Variants in DLGAP1 observed in about 807,000 individuals in gnomAD.
DLGAP1 encodes disks large-associated protein 1.
Under a neutral mutation model 90.8 loss-of-function variants are expected in DLGAP1, and 11 were observed. That is an observed-to-expected ratio of 0.12 (90% CI 0.08 to 0.20). The LOEUF is 0.20. DLGAP1 is among the 10% of genes least tolerant of loss of function. The pLI is 1.00. For missense variants in DLGAP1, 1,050 were observed against 1,333.8 expected (o/e 0.79, Z 3.31); for synonymous variants, 558 against 540.7 (o/e 1.03, Z -0.44).
At chr18:4,380,743 C>A (rs188818049) in intron 1 of DLGAP1, among the ~76,000 whole-genome samples, 3 of 152,290 alleles carry the variant, frequency 2.0e-5, no homozygotes, top group African/African-American at 4.8e-5. Flanking sequence ...GGCTTGTATA[C>A]TAATTAACGA....
At chr18:4,302,013 G>C (rs779583152) in intron 1 of DLGAP1, among the ~76,000 whole-genome samples, 1 of 151,990 alleles carries the variant, frequency 6.6e-6, no homozygotes, top group African/African-American at 2.4e-5. Flanking sequence ...TGAATTGTTT[G>C]AGTTTCTTAT....
At chr18:3,704,980 A>C (rs2061389309) in intron 7 of DLGAP1, among the ~76,000 whole-genome samples, 1 of 152,262 alleles carries the variant, frequency 6.6e-6, no homozygotes, top group Admixed American at 6.5e-5. Flanking sequence ...AAAAGTCAGC[A>C]TTTATAACAC....
intron 4 of DLGAP1, among the ~76,000 whole-genome samples, chr18:3,846,783 C>T (rs573248862): frequency 3.8e-4 from 58 of 151,992 alleles, no homozygotes; most frequent in Non-Finnish European, 7.2e-4. Context: ...TAGTGGTTGC[C>T]CTGGACCTGG....
intron 7 of DLGAP1, chr18:3,596,831 T>C (rs537243357): frequency 4.8e-5 from 25 of 519,842 alleles, no homozygotes; most frequent in Non-Finnish European, 8.9e-5. Flanking sequence ...GATCTCTGAT[T>C]GTGCAGTGTC....
intron 6 of DLGAP1, among the ~76,000 whole-genome samples, chr18:3,736,393 G>C (rs1459041122): frequency 1.3e-5 from 2 of 151,936 alleles, no homozygotes; most frequent in African/African-American, 4.8e-5. Flanking sequence ...TCTGTTTTTA[G>C]GGCTCTTTTA....
intron 7 of DLGAP1, among the ~76,000 whole-genome samples, chr18:3,705,470 A>G (rs957319758): frequency 2.6e-5 from 4 of 151,894 alleles, no homozygotes; most frequent in Non-Finnish European, 5.9e-5. Flanking sequence ...GGAGCTAAAC[A>G]TATCATACTG....
chr18:4,422,269 A>C (rs754748987), intron 1 of DLGAP1, among the ~76,000 whole-genome samples: 60 of 152,034 alleles, frequency 3.9e-4, no homozygotes, highest in Non-Finnish European at 7.7e-4. Context: ...GTAGCCATTA[A>C]ATTTGGTAAT....
At chr18:4,116,500 G>A (rs1371681166) in intron 2 of DLGAP1, among the ~76,000 whole-genome samples, 1 of 151,722 alleles carries the variant, frequency 6.6e-6, no homozygotes, top group Admixed American at 6.6e-5. Flanking sequence ...TACACTGAAT[G>A]GTGTTCCACT....
chr18:4,171,771 A>C (rs1214947861), intron 1 of DLGAP1, among the ~76,000 whole-genome samples: 1 of 152,160 alleles, frequency 6.6e-6, no homozygotes, highest in African/African-American at 2.4e-5. Context: ...TCATAGAAAA[A>C]ATAATTACAA....
intron 4 of DLGAP1, among the ~76,000 whole-genome samples, chr18:3,854,231 C>A (rs1335694963): frequency 6.6e-6 from 1 of 152,152 alleles, no homozygotes; most frequent in African/African-American, 2.4e-5. Context: ...TAAATAATTT[C>A]ATGAAAAAGA....
intron 1 of DLGAP1, among the ~76,000 whole-genome samples, chr18:4,249,757 AT>A (rs1173534512): frequency 6.6e-6 from 1 of 151,902 alleles, no homozygotes; most frequent in Non-Finnish European, 1.5e-5. Context: ...CTGGCTAATT[AT>A]TTTGCTTTCT....
intron 7 of DLGAP1, among the ~76,000 whole-genome samples, chr18:3,609,122 C>A (rs2057468883): frequency 6.6e-6 from 1 of 151,868 alleles, no homozygotes; most frequent in Non-Finnish European, 1.5e-5. Context: ...AGCTGCTGCA[C>A]CCAGCCTGAT....
intron 6 of DLGAP1, among the ~76,000 whole-genome samples, chr18:3,733,082 T>C (rs1213099102): frequency 6.6e-6 from 1 of 152,214 alleles, no homozygotes; most frequent in Non-Finnish European, 1.5e-5. Context: ...ACCCATAGTA[T>C]ATGCACAGAA....
At chr18:4,102,375 G>C (rs73943816) in intron 2 of DLGAP1, among the ~76,000 whole-genome samples, 4,017 of 152,248 alleles carry the variant, frequency 0.026, 144 homozygotes, top group South Asian at 0.097. Context: ...TTTATTACAA[G>C]AGCCATATTG....
chr18:3,922,325 T>C lies in DLGAP1; in HGVS notation c.-72-42185A>G, dbSNP rs370742126. 2.2e-4 allele frequency among the ~76,000 whole-genome samples: 33 copies of C among 151,804 alleles called. No homozygotes were observed. The East Asian group carries it at 2.9e-3, about 13-fold the overall frequency. ...CTTGACAATGAATGAAAAGGAGAGG[T>C]GCCCGGCATTAAGCCAGGCACTAGG... On this transcript the variant is annotated intron_variant, in intron 3 of 12. Transcript: ENST00000315677.
chr18:4,021,597 C>G (rs1378093256), intron 2 of DLGAP1, among the ~76,000 whole-genome samples: 1 of 151,960 alleles, frequency 6.6e-6, no homozygotes, highest in Non-Finnish European at 1.5e-5. Context: ...TTTTCTTTTT[C>G]TTTCTTTTTT....
chr18:4,226,566 TAG>T (rs989451728), intron 1 of DLGAP1, among the ~76,000 whole-genome samples: 28 of 151,760 alleles, frequency 1.8e-4, no homozygotes, highest in Non-Finnish European at 1.0e-4. Flanking sequence ...AGTTAAAGTA[TAG>T]AGTTTTTATT....
At chr18:4,090,330 A>T (rs2143742052) in intron 2 of DLGAP1, among the ~76,000 whole-genome samples, 1 of 152,256 alleles carries the variant, frequency 6.6e-6, no homozygotes, top group African/African-American at 2.4e-5. Context: ...ATGGGAGAAA[A>T]TTTTTGCAAT....
chr18:3,744,096 G>A (rs375881455), intron 5 of DLGAP1, among the ~76,000 whole-genome samples: 115 of 152,132 alleles, frequency 7.6e-4, no homozygotes, highest in East Asian at 5.0e-3. Context: ...CCCCATAGCC[G>A]CTATTATTTA....
Sources: allele counts gnomAD v4.1 joint callset (sites outside exome capture counted in the v4.1 genomes callset), GRCh38; gene constraint gnomAD v4.1.1; transcripts MANE v1.5; gene names NCBI Gene and HGNC (gene_info 2026-07-23, HGNC 2026-07-21).